The following NFATC2 variants were observed in gnomAD, a reference collection of about 807,000 sequenced individuals.
NFATC2 encodes the protein nuclear factor of activated T-cells, cytoplasmic 2.
Under a neutral mutation model 87.3 loss-of-function variants are expected in NFATC2, and 22 were observed. The ratio of observed to expected loss-of-function variants is 0.25; its 90% CI spans 0.18 to 0.36. The LOEUF (loss-of-function observed/expected upper bound fraction) is 0.36, where lower values mean the gene tolerates loss of function less well. NFATC2 is among the 10% of genes least tolerant of loss of function. NFATC2 has a pLI of 1.00. For synonymous variants in NFATC2, 565 were observed against 542.2 expected (o/e 1.04, Z -0.58); for missense variants, 1,149 against 1,259.1 (o/e 0.91, Z 1.32).
intron 1 of NFATC2, among the ~76,000 whole-genome samples, chr20:51,533,362 G>A (rs551484825): frequency 3.3e-5 from 5 of 152,202 alleles, no homozygotes; most frequent in African/African-American, 9.6e-5. Flanking sequence ...TGCTGCCCAC[G>A]CCCCACCCAG....
intron 3 of NFATC2, among the ~76,000 whole-genome samples, chr20:51,503,187 C>T (rs1396812660): frequency 6.6e-6 from 1 of 152,132 alleles, no homozygotes; most frequent in Non-Finnish European, 1.5e-5. Flanking sequence ...GAAGACCTTG[C>T]CCTGTACACA....
At chr20:51,411,445 C>T (rs747151716) in intron 9 of NFATC2, among the ~76,000 whole-genome samples, 7 of 150,098 alleles carry the variant, frequency 4.7e-5, no homozygotes, top group South Asian at 2.2e-4. Context: ...CACCCATACA[C>T]ACACACACAG....
intron 1 of NFATC2, among the ~76,000 whole-genome samples, chr20:51,532,563 C>T (rs1458924232): frequency 6.6e-6 from 1 of 152,160 alleles, no homozygotes; most frequent in Admixed American, 6.5e-5. Context: ...TTTTAAAAAT[C>T]CACTCAGGCC....
In NFATC2 at chr20:51,388,385, TCTC is replaced by T. The variant is rs1306113136; in HGVS notation, c.*3108_*3110del. The T allele has an allele frequency of 6.6e-6, 1 of 152,136 alleles. No homozygotes were observed. The highest frequency in any genetic ancestry group is 1.5e-5 in the Non-Finnish European group (1 of 68,030). 9.4% of individuals were successfully genotyped at this position (152,136 alleles called of 1,614,324 possible). On this transcript the variant is annotated 3_prime_UTR_variant, in exon 11 of 11. Coordinates refer to ENST00000371564, the MANE Select transcript of NFATC2 (RefSeq NM_012340.5). ...TTCCTTCTTCCACAAAGCCATTCCT[TCTC>T]CTGAGATGCCATCTTCTAGAGAGGT...
rs2076496612 is a variant in NFATC2, at chr20:51,523,860, G to A, written c.381C>T (p.Pro127=). The change falls in exon 2 of 11, where the codon CCC becomes CCT. Residue 127 remains proline, a synonymous_variant. Transcript: ENST00000371564. This position sits in a 1 kb window ranked among gnomAD's most constrained non-coding sequence, Gnocchi z 6.9. The part of the protein sequence containing the change: ...PSHELIQAVG[P]LRMRDAGLLV... ...GGAGGCCCGCGTCTCTCATGCGGAG[G>A]GGCCCCACTGCCTGGATCAGTTCGT... 6.2e-7 allele frequency: 1 copy of A among 1,609,742 alleles called. No individual in the cohort carries two copies. The highest frequency in any genetic ancestry group is 1.3e-5 in the African/African-American group (1 of 74,826).
chr20:51,411,621 A>T (rs1157876365), intron 9 of NFATC2, among the ~76,000 whole-genome samples: 1 of 135,296 alleles, frequency 7.4e-6, no homozygotes, highest in Non-Finnish European at 1.5e-5. Context: ...TCTGCCTCCC[A>T]GGTTCATGCG....
At chr20:51,413,001 C>A (rs1420828526) in intron 9 of NFATC2, among the ~76,000 whole-genome samples, 1 of 135,436 alleles carries the variant, frequency 7.4e-6, no homozygotes, top group Non-Finnish European at 1.6e-5. Flanking sequence ...CCGCCGCCCC[C>A]CCCCCTCCCC....
chr20:51,518,237 C>T (rs2076386505), intron 2 of NFATC2, among the ~76,000 whole-genome samples: 1 of 152,210 alleles, frequency 6.6e-6, no homozygotes, highest in Non-Finnish European at 1.5e-5. Context: ...GGATTTATGT[C>T]ACCATGTCCT....
chr20:51,498,156 G>A (rs1366074086), intron 3 of NFATC2, among the ~76,000 whole-genome samples: 2 of 152,110 alleles, frequency 1.3e-5, no homozygotes, highest in African/African-American at 2.4e-5. Context: ...CCTTCTGAAT[G>A]GTTGTCATTT....
intron 1 of NFATC2, among the ~76,000 whole-genome samples, chr20:51,539,613 G>T (rs1265672855): frequency 1.3e-5 from 2 of 152,174 alleles, no homozygotes; most frequent in African/African-American, 4.8e-5. Context: ...CCTCCGAGTA[G>T]CTGGGAAGCT....
intron 3 of NFATC2, among the ~76,000 whole-genome samples, chr20:51,493,112 A>G (rs1277731104): frequency 2.0e-5 from 3 of 152,208 alleles, no homozygotes; most frequent in African/African-American, 7.2e-5. Flanking sequence ...GTGGGGTCCA[A>G]CAGTTTAGAC....
chr20:51,517,967 C>T (rs1273321350), intron 2 of NFATC2, among the ~76,000 whole-genome samples: 1 of 151,920 alleles, frequency 6.6e-6, no homozygotes, highest in East Asian at 1.9e-4. Flanking sequence ...GGACCACCCC[C>T]ACATATGGGG....
At chr20:51,512,819 A>G (rs1310867404) in intron 3 of NFATC2, among the ~76,000 whole-genome samples, 1 of 152,150 alleles carries the variant, frequency 6.6e-6, no homozygotes, top group Non-Finnish European at 1.5e-5. Flanking sequence ...AGAAATAGAA[A>G]CAGATACAGA....
At chr20:51,498,141 C>A (rs909423875) in intron 3 of NFATC2, among the ~76,000 whole-genome samples, 1 of 152,124 alleles carries the variant, frequency 6.6e-6, no homozygotes. Flanking sequence ...GTGAACTGAA[C>A]CGGTCCTTCT....
At chr20:51,441,771 C>T (rs1984385537) in intron 6 of NFATC2, among the ~76,000 whole-genome samples, 4 of 149,986 alleles carry the variant, frequency 2.7e-5, no homozygotes, top group South Asian at 2.1e-4. Flanking sequence ...GAAGATGTGG[C>T]GAGAATTAAA....
chr20:51,466,208 A>G (rs1400084569), intron 5 of NFATC2, among the ~76,000 whole-genome samples: 1 of 152,128 alleles, frequency 6.6e-6, no homozygotes, highest in Non-Finnish European at 1.5e-5. Context: ...GTGCACCACC[A>G]CACCTGGCTA....
intron 1 of NFATC2, among the ~76,000 whole-genome samples, chr20:51,554,335 T>A (rs2076959844): frequency 6.6e-6 from 1 of 152,102 alleles, no homozygotes; most frequent in Admixed American, 6.6e-5. Flanking sequence ...TGGGTTTTTC[T>A]CCCCACCACC....
At chr20:51,510,802 A>C (rs979754945) in intron 3 of NFATC2, among the ~76,000 whole-genome samples, 1 of 152,168 alleles carries the variant, frequency 6.6e-6, no homozygotes, top group African/African-American at 2.4e-5. Flanking sequence ...TTAGGGTTTT[A>C]TAAGAGAAAC....
chr20:51,501,656 T>C (rs1040635608), intron 3 of NFATC2, among the ~76,000 whole-genome samples: 6 of 152,138 alleles, frequency 3.9e-5, no homozygotes, highest in Admixed American at 3.9e-4. Context: ...TCACTTTCCA[T>C]CCCCCATTCC....
Sources: allele counts gnomAD v4.1 joint callset (sites outside exome capture counted in the v4.1 genomes callset), GRCh38; gene constraint gnomAD v4.1.1; non-coding constraint Gnocchi (gnomAD v3.1); transcripts MANE v1.5; gene names NCBI Gene and HGNC (gene_info 2026-07-23, HGNC 2026-07-21).